The following GDA variants were observed in gnomAD, a reference collection of about 807,000 sequenced individuals.
The protein encoded by GDA is cytoplasmic PSD-95 interactor.
A neutral mutation model predicts 59.6 loss-of-function variants in GDA; 18 were observed. The observed-to-expected ratio is 0.30, with a 90% confidence interval of 0.21 to 0.45. GDA has a LOEUF of 0.45. GDA is among the 20% of genes least tolerant of loss of function. GDA has a pLI of 1.00. For synonymous variants in GDA, 201 were observed against 201.1 expected (o/e 1.00, Z 0.00); for missense variants, 427 against 552.3 (o/e 0.77, Z 2.27).
chr9:72,120,857 ACT>A (rs1379480669), intron 1 of GDA, among the ~76,000 whole-genome samples: 1 of 151,946 alleles, frequency 6.6e-6, no homozygotes, highest in Non-Finnish European at 1.5e-5. Flanking sequence ...GCAGAAAATG[ACT>A]CTACTTTGCA....
chr9:72,155,620 T>C lies in GDA; in HGVS notation c.123+5938T>C, dbSNP rs1827802203. On this transcript the variant is annotated intron_variant, in intron 1 of 13. Transcript: ENST00000358399. The stretch of plus-strand genomic sequence containing the variant: ...AGGACAGGTAGGCAGGGCTATGTTA[T>C]GGAGGGCATCGGGGATGGTGGGATT... Among the ~76,000 whole-genome samples the C allele has an allele frequency of 2.6e-5, 4 of 152,172 alleles. No homozygotes were observed. In the South Asian group the frequency reaches 8.3e-4, roughly 32 times the overall value.
rs1161037332 is a variant in GDA, at chr9:72,250,584, C to CT, written c.*2250dup. 2.6e-5 allele frequency: 38 copies of CT among 1,489,322 alleles called. No individual in the cohort carries two copies. The highest frequency in any genetic ancestry group is 9.7e-5 in the East Asian group (4 of 41,282). The allele number at this position is 1,489,322 out of a possible 1,614,324, so 92.3% of individuals were successfully genotyped here. A position where few individuals can be genotyped will look rare whatever the true frequency, so the allele number is the denominator to read the frequency against. On this transcript the variant is annotated 3_prime_UTR_variant, in exon 14 of 14. Coordinates refer to ENST00000358399, the MANE Select transcript of GDA (RefSeq NM_004293.5). Reference sequence around the variant, plus strand: ...GCGGTGTTCCTGAATGTTATGTATGCTTTTTTTTCTGTACCACAGGCATTA... The same window carrying CT: ...GCGGTGTTCCTGAATGTTATGTATGCTTTTTTTTTCTGTACCACAGGCATTA...
chr9:72,145,414 C>T (rs1469225077), upstream of GDA, among the ~76,000 whole-genome samples: 2 of 152,174 alleles, frequency 1.3e-5, no homozygotes, highest in African/African-American at 2.4e-5. Context: ...CTCCCTGAAC[C>T]CCAGTTTCCC....
At chr9:72,160,116 G>A (rs554059049) in intron 1 of GDA, among the ~76,000 whole-genome samples, 106 of 151,980 alleles carry the variant, frequency 7.0e-4, no homozygotes, top group African/African-American at 2.5e-3. Flanking sequence ...TGGCCAACAC[G>A]GTAAAACCCC....
At chr9:72,147,368 C>T (rs990857254), upstream of GDA, among the ~76,000 whole-genome samples, 1 of 152,126 alleles carries the variant, frequency 6.6e-6, no homozygotes, top group African/African-American at 2.4e-5. Context: ...TCACCACACC[C>T]AGCTAATTTT....
chr9:72,222,054 A>C (rs1212082629), intron 6 of GDA, among the ~76,000 whole-genome samples: 4 of 152,122 alleles, frequency 2.6e-5, no homozygotes, highest in Admixed American at 1.3e-4. Context: ...AGAATGATTT[A>C]TTTCCTTTTG....
At chr9:72,159,930 G>C (rs1432615635) in intron 1 of GDA, among the ~76,000 whole-genome samples, 2 of 152,078 alleles carry the variant, frequency 1.3e-5, no homozygotes, top group Non-Finnish European at 2.9e-5. Flanking sequence ...CCATTTTAAA[G>C]TATATGATTC....
At chr9:72,148,311 G>T (rs1156485400), upstream of GDA, among the ~76,000 whole-genome samples, 2 of 448 alleles carry the variant, frequency 4.5e-3, no homozygotes, top group Non-Finnish European at 0.038. Context: ...GTGTGTGTAT[G>T]TGTGTGTGTG....
At position 72,134,116 on chromosome 9, in the gene GDA, G is replaced by A. The variant is rs147168730; in HGVS notation, c.-100+19283G>A. Among the ~76,000 whole-genome samples, 76 of 152,216 alleles carry A rather than the reference G, an allele frequency of 5.0e-4. 1 individual carries two copies. In the East Asian group the frequency reaches 0.012, roughly 24 times the overall value. On this transcript the variant is annotated intron_variant, in intron 1 of 13. Coordinates refer to the GDA transcript ENST00000545168. ...GGAGTAGGGAAAGGGAAGGGGCTTGGCAAATAGGGATGAACGCCAGTTTTG... is the reference window on the plus strand; with the variant it reads ...GGAGTAGGGAAAGGGAAGGGGCTTGACAAATAGGGATGAACGCCAGTTTTG...
intron 1 of GDA, among the ~76,000 whole-genome samples, chr9:72,176,549 G>T (rs1046807602): frequency 1.3e-5 from 2 of 152,130 alleles, no homozygotes; most frequent in Non-Finnish European, 2.9e-5. Context: ...ATTAATTTCG[G>T]GTACAGCATC....
intron 3 of GDA, among the ~76,000 whole-genome samples, chr9:72,208,065 C>T (rs1175490016): frequency 2.0e-5 from 3 of 152,108 alleles, no homozygotes; most frequent in East Asian, 1.9e-4. Flanking sequence ...TGTGTGATGG[C>T]ACCTCTGCAC....
Position 72,247,393 on chromosome 9 carries a change from T to C in GDA, c.1267-13T>C, listed in dbSNP as rs779789977. ...AAATGAGTCTTTCTTATTACTTTTATTTTCCATTTTAGGCTGTTATCCAGA... is the reference window on the plus strand; with the variant it reads ...AAATGAGTCTTTCTTATTACTTTTACTTTCCATTTTAGGCTGTTATCCAGA... On this transcript the variant is annotated splice_polypyrimidine_tract_variant and intron_variant, in intron 12 of 13. Coordinates refer to ENST00000358399, the MANE Select transcript of GDA (RefSeq NM_004293.5). 4 of 1,449,684 alleles carry C rather than the reference T, an allele frequency of 2.8e-6. No homozygotes were observed. The African/African-American group carries it at 5.6e-5, about 20-fold the overall frequency. The allele number at this position is 1,449,684 out of a possible 1,614,324, so 89.8% of individuals were successfully genotyped here.
chr9:72,214,629 A>G, intron 5 of GDA: 1 of 196,616 alleles, frequency 5.1e-6, no homozygotes, highest in Non-Finnish European at 1.0e-5. Context: ...GCTGAGTCTG[A>G]CATAGGCTAA....
intron 9 of GDA, 125 bp from the exon 10 acceptor site, chr9:72,230,989 G>T: frequency 1.4e-6 from 1 of 710,152 alleles, no homozygotes. Context: ...ATATGTTTGT[G>T]TCAACATTAG....
At chr9:72,176,859 GCTT>G in intron 1 of GDA, among the ~76,000 whole-genome samples, 1 of 152,006 alleles carries the variant, frequency 6.6e-6, no homozygotes, top group Middle Eastern at 3.4e-3. Flanking sequence ...TTAATTCCAG[GCTT>G]CTTCCACATT....
intron 3 of GDA, among the ~76,000 whole-genome samples, chr9:72,209,283 T>G (rs1835082226): frequency 6.6e-6 from 1 of 152,118 alleles, no homozygotes; most frequent in Non-Finnish European, 1.5e-5. Flanking sequence ...AATTTAGATT[T>G]CTTATTCTAA....
chr9:72,190,428 T>C (rs1456587921), intron 1 of GDA, among the ~76,000 whole-genome samples: 2 of 152,190 alleles, frequency 1.3e-5, no homozygotes, highest in Admixed American at 6.6e-5. Flanking sequence ...CACCCCGCCA[T>C]GTTTTCTTTT....
intron 12 of GDA, among the ~76,000 whole-genome samples, chr9:72,246,386 A>G (rs780582918): frequency 6.6e-6 from 1 of 152,158 alleles, no homozygotes; most frequent in Non-Finnish European, 1.5e-5. Flanking sequence ...GACCTCAGGT[A>G]ATCCACCTGC....
intron 2 of GDA, among the ~76,000 whole-genome samples, chr9:72,196,551 C>A (rs896747327): frequency 6.7e-6 from 1 of 149,592 alleles, no homozygotes; most frequent in Non-Finnish European, 1.5e-5. Flanking sequence ...AATGGGAAAA[C>A]TTTTTTTGAT....
Sources: allele counts gnomAD v4.1 joint callset (sites outside exome capture counted in the v4.1 genomes callset), GRCh38; gene constraint gnomAD v4.1.1; transcripts MANE v1.5; gene names NCBI Gene and HGNC (gene_info 2026-07-23, HGNC 2026-07-21).